The following HDAC9 variants were observed in gnomAD, a reference collection of about 807,000 sequenced individuals.
The protein encoded by HDAC9 is MEF-2 interacting transcription repressor (MITR) protein.
HDAC9 carries 41 observed loss-of-function variants against 139.4 expected under a neutral mutation model. That is an observed-to-expected ratio of 0.29 (90% CI 0.23 to 0.38). The LOEUF (loss-of-function observed/expected upper bound fraction) is 0.38. Ranked by LOEUF, HDAC9 falls within the 10% of genes least tolerant of loss-of-function variation. The pLI is 1.00. For synonymous variants in HDAC9, 517 were observed against 476.2 expected, an observed-to-expected ratio of 1.09 and a Z score of -1.12; for missense variants, 1,147 against 1,297.0, an observed-to-expected ratio of 0.88 and a Z score of 1.78.
chr7:18,092,042 T>C (rs1482754152), intron 1 of HDAC9, among the ~76,000 whole-genome samples: 1 of 152,186 alleles, frequency 6.6e-6, no homozygotes, highest in Non-Finnish European at 1.5e-5. Context: ...AGGGCATGAC[T>C]CCTTGGAGGT....
intron 2 of HDAC9, among the ~76,000 whole-genome samples, chr7:18,540,273 C>CA (rs967501382): frequency 0.028 from 1,179 of 42,284 alleles, 18 homozygotes; most frequent in African/African-American, 0.054. Flanking sequence ...AACTCCATCT[C>CA]AAAAAAAAAA....
chr7:18,609,449 G>T (rs901641496), intron 6 of HDAC9, among the ~76,000 whole-genome samples: 2 of 152,114 alleles, frequency 1.3e-5, no homozygotes, highest in African/African-American at 4.8e-5. Flanking sequence ...CACATGTGTG[G>T]CATAAGCATC....
intron 1 of HDAC9, among the ~76,000 whole-genome samples, chr7:18,360,103 T>A (rs567089551): frequency 5.9e-4 from 90 of 152,332 alleles, no homozygotes; most frequent in African/African-American, 2.1e-3. Flanking sequence ...TGTTCTAGAT[T>A]GTTTTCAGAA....
chr7:18,398,991 T>C (rs1787299653), intron 1 of HDAC9, among the ~76,000 whole-genome samples: 1 of 152,146 alleles, frequency 6.6e-6, no homozygotes, highest in Admixed American at 6.5e-5. Context: ...TTTATGATGA[T>C]TTGATTGTAT....
upstream of HDAC9, among the ~76,000 whole-genome samples, chr7:18,289,669 T>A (rs1797685805): frequency 6.6e-6 from 1 of 152,130 alleles, no homozygotes; most frequent in Non-Finnish European, 1.5e-5. Context: ...CCCATTTAAG[T>A]AGCTCAGAAA....
intron 2 of HDAC9, among the ~76,000 whole-genome samples, chr7:18,254,419 TTATA>T (rs1052917541): frequency 5.9e-5 from 9 of 152,154 alleles, no homozygotes; most frequent in Non-Finnish European, 1.2e-4. Flanking sequence ...AAGCAAACAA[TTATA>T]TATATGAGGG....
At chr7:18,851,854 C>T (rs1797323091) in intron 21 of HDAC9, among the ~76,000 whole-genome samples, 1 of 152,190 alleles carries the variant, frequency 6.6e-6, no homozygotes, top group African/African-American at 2.4e-5. Context: ...AACATCCAAT[C>T]AAAGTTGGTT....
chr7:18,405,975 C>T (rs1787965568), intron 1 of HDAC9, among the ~76,000 whole-genome samples: 1 of 152,208 alleles, frequency 6.6e-6, no homozygotes, highest in Non-Finnish European at 1.5e-5. Context: ...CTCTGGGATT[C>T]ATGAATCCTG....
intron 1 of HDAC9, among the ~76,000 whole-genome samples, chr7:18,459,701 G>T (rs1329914124): frequency 6.7e-6 from 1 of 149,224 alleles, no homozygotes; most frequent in African/African-American, 2.5e-5. Context: ...CTGGAGCCTA[G>T]TAGAGTTCTC....
chr7:19,001,445 T>A lies in HDAC9; in HGVS notation c.*5383T>A, dbSNP rs1319617660. On this transcript the variant is annotated 3_prime_UTR_variant, in exon 26 of 26. Coordinates refer to ENST00000686413, the MANE Select transcript of HDAC9 (RefSeq NM_178425.4). ...TCATGTCCTTAATCCTTCATTGTGA[T>A]GCCCCTTCTTGGAGTTGGCATTTTG... The A allele has an allele frequency of 6.6e-6, 1 of 152,068 alleles. No individual in the cohort carries two copies. Among genetic ancestry groups the A allele is most frequent in the Non-Finnish European group, 1.5e-5 (1 of 67,964 alleles). The allele number at this position is 152,068 out of a possible 1,614,324, so 9.4% of individuals were successfully genotyped here.
intron 6 of HDAC9, among the ~76,000 whole-genome samples, chr7:18,618,726 G>GTATACATATATATATA (rs1839373496): frequency 8.3e-6 from 1 of 120,038 alleles, no homozygotes; most frequent in Non-Finnish European, 1.8e-5. Flanking sequence ...ACAGAATTTT[G>GTATACATATATATATA]TATATATATA....
chr7:18,585,412 C>G lies in HDAC9; in HGVS notation c.154C>G (p.Leu52Val). The G allele has an allele frequency of 6.2e-7, 1 of 1,613,982 alleles. No individual in the cohort carries two copies. The highest frequency in any genetic ancestry group is 8.5e-7 in the Non-Finnish European group (1 of 1,179,900). Residue 52 changes from leucine to valine, a missense_variant, in exon 3 of 26, where the codon CTT becomes GTT. By Grantham distance (32) the Leu-to-Val change is conservative. Transcript: ENST00000686413. ...REKQLQQELL[L>V]IQQQQQIQKQ... ...GAAGCAATTGCAGCAGGAATTACTT[C>G]TTATCCAGCAGCAGCAACAAATCCA...
intron 1 of HDAC9, among the ~76,000 whole-genome samples, chr7:18,157,804 TGAGAGAGAGAGAGAGAGAGAGAGA>T (rs67690215): frequency 4.6e-5 from 5 of 109,528 alleles, no homozygotes; most frequent in African/African-American, 7.2e-5. Flanking sequence ...TTCTAAGGCA[TGAGAGAGAGAGAGAGAGAGAGAGA>T]GAGAGAGAGA....
intron 14 of HDAC9, among the ~76,000 whole-genome samples, chr7:18,754,814 G>A (rs1232248593): frequency 6.6e-6 from 1 of 152,054 alleles, no homozygotes; most frequent in African/African-American, 2.4e-5. Context: ...ATATCTTCTT[G>A]CACACATAGG....
intron 12 of HDAC9, among the ~76,000 whole-genome samples, chr7:18,676,066 A>C (rs1781486299): frequency 6.6e-6 from 1 of 152,050 alleles, no homozygotes. Context: ...GTCTGTGCCC[A>C]GGTCTCCTCT....
chr7:18,894,027 T>G (rs990771796), intron 22 of HDAC9, among the ~76,000 whole-genome samples: 1 of 152,074 alleles, frequency 6.6e-6, no homozygotes, highest in Non-Finnish European at 1.5e-5. Context: ...ATAGTTTGAT[T>G]TATTTTAAAG....
rs536330024 is a variant in HDAC9 at position 18,960,531 on chromosome 7, CT to C, written c.3022+6306del. On this transcript the variant is annotated intron_variant, in intron 24 of 25. Transcript: ENST00000686413. ...AGGAATGCTGATTTTGTTGATTTTA[CT>C]TTTTATTATATTTCCAATGGGAGAT... 2.1e-3 allele frequency among the ~76,000 whole-genome samples: 323 copies of C among 152,132 alleles called. 1 individual carries two copies. The highest frequency in any genetic ancestry group is 7.5e-3 in the African/African-American group (313 of 41,508).
intron 11 of HDAC9, among the ~76,000 whole-genome samples, chr7:18,660,598 A>G (rs1424171787): frequency 1.3e-5 from 2 of 152,186 alleles, no homozygotes; most frequent in African/African-American, 4.8e-5. Context: ...GGAGATAACT[A>G]TATTGTAAAC....
intron 12 of HDAC9, among the ~76,000 whole-genome samples, chr7:18,709,953 G>A (rs1784225636): frequency 6.6e-6 from 1 of 152,180 alleles, no homozygotes; most frequent in African/African-American, 2.4e-5. Context: ...TTGTTCTCAT[G>A]CTGCTGATAA....
Sources: gnomAD v4.1 joint callset for allele counts (sites outside exome capture counted in the v4.1 genomes callset) on GRCh38, gnomAD v4.1.1 for gene constraint, MANE v1.5 for transcripts, NCBI Gene and HGNC (gene_info 2026-07-23, HGNC 2026-07-21) for gene names.